The following PARP4 variants were observed in gnomAD, a reference collection of about 807,000 sequenced individuals.
PARP4 encodes protein mono-ADP-ribosyltransferase PARP4.
Under a neutral mutation model 187.7 loss-of-function variants are expected in PARP4, and 120 were observed. That is an observed-to-expected ratio of 0.64 (90% confidence interval 0.55 to 0.74). The LOEUF is 0.74. Ranked by LOEUF, PARP4 falls within the 30% of genes least tolerant of loss-of-function variation. The pLI is 0.00. For synonymous variants in PARP4, 654 were observed against 740.9 expected, an observed-to-expected ratio of 0.88 and a Z score of 1.90; for missense variants, 1,836 against 2,070.5, an observed-to-expected ratio of 0.89 and a Z score of 2.20.
intron 2 of PARP4, among the ~76,000 whole-genome samples, chr13:24,502,909 G>A (rs1166499078): frequency 6.6e-6 from 1 of 152,180 alleles, no homozygotes; most frequent in Non-Finnish European, 1.5e-5. Context: ...GGCTCACAAT[G>A]GCCAAGCCCC....
intron 24 of PARP4, 144 bp downstream of exon 24, chr13:24,452,262 G>A: frequency 1.5e-6 from 1 of 646,416 alleles, no homozygotes; most frequent in East Asian, 2.8e-5. Context: ...AGGCAGTCTG[G>A]CTGGGAGCCC....
intron 20 of PARP4, among the ~76,000 whole-genome samples, chr13:24,458,699 G>C (rs530270498): frequency 6.6e-6 from 1 of 152,296 alleles, no homozygotes; most frequent in African/African-American, 2.4e-5. Flanking sequence ...TGGAATGAAG[G>C]GGAGAGGAAA....
chr13:24,461,624 C>T (rs907724539), intron 17 of PARP4, among the ~76,000 whole-genome samples: 1 of 152,158 alleles, frequency 6.6e-6, no homozygotes, highest in African/African-American at 2.4e-5. Flanking sequence ...CCCCATATCC[C>T]CACAGCCTTC....
At position 24,434,966 on chromosome 13, in the gene PARP4, G is replaced by A; in HGVS notation, c.4175C>T (p.Pro1392Leu). 8.1e-6 allele frequency: 13 copies of A among 1,613,934 alleles called. No homozygotes were observed. The highest frequency in any genetic ancestry group is 1.0e-5 in the Non-Finnish European group (12 of 1,179,944). Reference sequence around the variant, plus strand: ...AACAATGCCACAATAGGGTGAAGAAGGTGGGTTCTGGGGAGGTCCTGTGGG... The same window carrying A: ...AACAATGCCACAATAGGGTGAAGAAAGTGGGTTCTGGGGAGGTCCTGTGGG... Reference protein sequence around the residue: ...SCPTGPPQNPPSSPYCGIVFS... With the variant: ...SCPTGPPQNPLSSPYCGIVFS... The change falls in exon 31 of 34, where the codon CCT becomes CTT. Residue 1392 changes from proline (P) to leucine (L), a missense_variant. Physicochemically the swap from Pro to Leu is moderately conservative, Grantham distance 98. Coordinates refer to ENST00000381989, the MANE Select transcript of PARP4 (RefSeq NM_006437.4).
Position 24,449,701 on chromosome 13 carries a change from A to G in PARP4, c.3114+17T>C, listed in dbSNP as rs778100525. On this transcript the variant is annotated intron_variant, in intron 25 of 33. Transcript: ENST00000381989. ...TTTCCAAACATAAATATAAAACCAG[A>G]TGTTTAAAAAACATACCTGTTTTCT... is the stretch of plus-strand genomic sequence containing the variant. The G allele has an allele frequency of 2.4e-6, 3 of 1,252,340 alleles. No homozygotes were observed. The highest frequency in any genetic ancestry group is 3.5e-6 in the Non-Finnish European group (3 of 856,430). 77.6% of individuals were successfully genotyped at this position (1,252,340 alleles called of 1,614,324 possible).
chr13:24,468,975 A>C (rs1593622800), intron 17 of PARP4, 49 bp downstream of exon 17: 2 of 1,224,596 alleles, frequency 1.6e-6, no homozygotes, highest in Non-Finnish European at 2.4e-6. Context: ...TCTTGTTCTA[A>C]CTCTCTTTCC....
At chr13:24,485,064 T>C (rs1478377554) in intron 11 of PARP4, among the ~76,000 whole-genome samples, 2 of 152,256 alleles carry the variant, frequency 1.3e-5, no homozygotes, top group Non-Finnish European at 2.9e-5. Flanking sequence ...AGTATACTTT[T>C]ATGGTTTGAT....
At chr13:24,485,261 A>T (rs538226939) in intron 11 of PARP4, among the ~76,000 whole-genome samples, 1 of 152,076 alleles carries the variant, frequency 6.6e-6, no homozygotes, top group Non-Finnish European at 1.5e-5. Context: ...TTTTGGGTTC[A>T]TTTGTGTTTA....
chr13:24,437,635 C>T (rs1339904771), intron 30 of PARP4, among the ~76,000 whole-genome samples: 2 of 151,982 alleles, frequency 1.3e-5, no homozygotes, highest in Non-Finnish European at 2.9e-5. Flanking sequence ...CATAAAGAAA[C>T]AAAAACTTAA....
At chr13:24,473,216 G>A (rs1298547191) in intron 15 of PARP4, among the ~76,000 whole-genome samples, 2 of 151,990 alleles carry the variant, frequency 1.3e-5, no homozygotes, top group East Asian at 1.9e-4. Flanking sequence ...ATGAACCACC[G>A]CACCGGCCAC....
At chr13:24,462,511 A>G (rs1872258920) in intron 17 of PARP4, among the ~76,000 whole-genome samples, 1 of 152,224 alleles carries the variant, frequency 6.6e-6, no homozygotes, top group Admixed American at 6.5e-5. Context: ...CCAACATTTA[A>G]TCACAAATTC....
intron 32 of PARP4, among the ~76,000 whole-genome samples, chr13:24,428,549 C>T (rs1870175050): frequency 6.6e-6 from 1 of 152,200 alleles, no homozygotes; most frequent in South Asian, 2.1e-4. Flanking sequence ...GGCACAATCA[C>T]TGCTCACTGC....
intron 33 of PARP4, among the ~76,000 whole-genome samples, chr13:24,422,611 T>C (rs1778726987): frequency 6.6e-6 from 1 of 152,024 alleles, no homozygotes; most frequent in Admixed American, 6.6e-5. Context: ...AAATAAAAAA[T>C]ATTTAATTTT....
intron 6 of PARP4, among the ~76,000 whole-genome samples, chr13:24,496,583 A>C (rs538344814): frequency 6.6e-6 from 1 of 152,274 alleles, no homozygotes; most frequent in Admixed American, 6.5e-5. Flanking sequence ...CTTCCAAGCC[A>C]AGTGGATCTC....
intron 1 of PARP4, among the ~76,000 whole-genome samples, chr13:24,510,354 G>A (rs893500867): frequency 2.0e-5 from 3 of 151,860 alleles, no homozygotes; most frequent in East Asian, 3.9e-4. Context: ...GGAGATCGAG[G>A]CCATCCCGGC....
intron 2 of PARP4, among the ~76,000 whole-genome samples, 199 bp downstream of exon 2, chr13:24,503,446 C>G (rs1279659186): frequency 6.6e-6 from 1 of 152,200 alleles, no homozygotes; most frequent in Non-Finnish European, 1.5e-5. Flanking sequence ...GTTCAGGGAA[C>G]AGGGAGGGGA....
Position 24,475,522 on chromosome 13 carries a change from G to A in PARP4, c.1864C>T (p.Pro622Ser), listed in dbSNP as rs1872938835. The A allele has an allele frequency of 1.2e-6, 2 of 1,613,962 alleles. No individual in the cohort carries two copies. Among genetic ancestry groups the A allele is most frequent in the East Asian group, 4.5e-5 (2 of 44,880 alleles). Residue 622 changes from proline (P) to serine (S), a missense_variant, in exon 15 of 34, where the codon CCT becomes TCT. By Grantham distance (74) the Pro-to-Ser change is moderately conservative (BLOSUM62 -1). Transcript: ENST00000381989. Reference sequence around the variant, plus strand: ...CCTTTGATGTGGACATCCTCCAGAGGAACCAAGTTCCCAGAGGCATCCTGG... The same window carrying A: ...CCTTTGATGTGGACATCCTCCAGAGAAACCAAGTTCCCAGAGGCATCCTGG... ...GLQDASGNLV[P>S]LEDVHIKGRI...
chr13:24,473,977 TA>T (rs1872850934), intron 15 of PARP4, among the ~76,000 whole-genome samples: 1 of 152,182 alleles, frequency 6.6e-6, no homozygotes, highest in Admixed American at 6.5e-5. Flanking sequence ...CTTTAAACAC[TA>T]TGTGAATGCT....
intron 32 of PARP4, among the ~76,000 whole-genome samples, chr13:24,429,504 C>T (rs1426665855): frequency 6.6e-6 from 1 of 152,124 alleles, no homozygotes; most frequent in African/African-American, 2.4e-5. Context: ...TTGTTTTAGG[C>T]TTTATTAGGA....
Sources: allele counts gnomAD v4.1 joint callset (sites outside exome capture counted in the v4.1 genomes callset), GRCh38; gene constraint gnomAD v4.1.1; transcripts MANE v1.5; gene names NCBI Gene and HGNC (gene_info 2026-07-23, HGNC 2026-07-21).